The following SUCLG2 variants were observed in gnomAD, a reference collection of about 807,000 sequenced individuals.
The protein encoded by SUCLG2 is succinate-CoA ligase GDP-forming subunit beta, also known as succinate--CoA ligase [GDP-forming] subunit beta, mitochondrial.
In SUCLG2, 42 loss-of-function variants were observed where a neutral mutation model predicts 47.9. The observed-to-expected ratio is 0.88, with a 90% confidence interval of 0.69 to 1.14. The LOEUF is 1.14. Ranked by LOEUF, SUCLG2 falls within the 50% of genes most tolerant of loss-of-function variation. The pLI is 0.00. For synonymous variants in SUCLG2, 195 were observed against 197.3 expected (o/e 0.99, Z 0.10); for missense variants, 571 against 525.9 (o/e 1.09, Z -0.84).
intron 1 of SUCLG2, among the ~76,000 whole-genome samples, chr3:67,646,318 C>G (rs548546351): frequency 1.3e-5 from 2 of 152,068 alleles, no homozygotes; most frequent in Admixed American, 6.5e-5. Context: ...AAAGTTTGGC[C>G]GGGCACGGTG....
chr3:67,393,808 C>T (rs1359273942), intron 10 of SUCLG2, among the ~76,000 whole-genome samples: 13 of 152,122 alleles, frequency 8.5e-5, no homozygotes, highest in East Asian at 3.9e-4. Context: ...TGGCCGGGTA[C>T]TCCTCTGAGA....
intron 2 of SUCLG2, among the ~76,000 whole-genome samples, chr3:67,541,408 C>T (rs114506918): frequency 0.06 from 9,153 of 151,984 alleles, 378 homozygotes; most frequent in Middle Eastern, 0.14. Context: ...ATAGCTAGAT[C>T]GATCAAGTGG....
intron 9 of SUCLG2, among the ~76,000 whole-genome samples, chr3:67,492,838 AC>A: frequency 6.6e-6 from 1 of 152,218 alleles, no homozygotes; most frequent in Non-Finnish European, 1.5e-5. Flanking sequence ...ATTTGGGTTA[AC>A]AGTCAAGCAA....
At chr3:67,633,300 A>C (rs1459235705) in intron 1 of SUCLG2, among the ~76,000 whole-genome samples, 1 of 152,230 alleles carries the variant, frequency 6.6e-6, no homozygotes, top group Non-Finnish European at 1.5e-5. Flanking sequence ...AAATGTATCC[A>C]TTAAATATTT....
chr3:67,569,013 T>C (rs1431128538), intron 2 of SUCLG2, among the ~76,000 whole-genome samples: 2 of 152,140 alleles, frequency 1.3e-5, no homozygotes, highest in African/African-American at 4.8e-5. Flanking sequence ...GTTGAAACTG[T>C]ATTAGAAACA....
In SUCLG2 at chr3:67,529,146, T is replaced by C; in HGVS notation, c.267A>G (p.Gly89=). Residue 89 remains glycine (G), a synonymous_variant, in exon 3 of 11, where the codon GGA becomes GGG. Transcript: ENST00000307227. ...EIVLKAQILA[G]GRGKGVFNSG... is the part of the protein sequence containing the mutation. Reference sequence around the variant, plus strand: ...TATTGAAGACACCTTTTCCTCTTCCTCCAGCTAAGATCTGGGCTTTTAAAA... The same window carrying C: ...TATTGAAGACACCTTTTCCTCTTCCCCCAGCTAAGATCTGGGCTTTTAAAA... 1 of 1,613,626 alleles carries C rather than the reference T, an allele frequency of 6.2e-7. No individual in the cohort carries two copies. Among genetic ancestry groups the C allele is most frequent in the Non-Finnish European group, 8.5e-7 (1 of 1,179,800 alleles).
intron 1 of SUCLG2, 117 bp downstream of exon 1, chr3:67,654,386 G>A: frequency 1.2e-6 from 1 of 827,758 alleles, no homozygotes; most frequent in Non-Finnish European, 1.6e-6. Context: ...TCCCGAAGTG[G>A]GGCGCCCGAG....
At chr3:67,460,360 T>C (rs565495817) in intron 9 of SUCLG2, among the ~76,000 whole-genome samples, 1 of 152,360 alleles carries the variant, frequency 6.6e-6, no homozygotes, top group South Asian at 2.1e-4. Flanking sequence ...TTAACAGCAG[T>C]ATCTGTCATT....
chr3:67,400,956 T>C (rs1702670933), intron 9 of SUCLG2, 105 bp from the exon 10 acceptor site: 2 of 1,505,484 alleles, frequency 1.3e-6, no homozygotes, highest in African/African-American at 2.8e-5. Flanking sequence ...TGCTCGTTTT[T>C]TTGTTTTTGT....
At chr3:67,646,768 G>A (rs747320786) in intron 1 of SUCLG2, among the ~76,000 whole-genome samples, 3 of 152,104 alleles carry the variant, frequency 2.0e-5, no homozygotes, top group Non-Finnish European at 4.4e-5. Context: ...CACGGTGTAC[G>A]TCTAGTATCC....
intron 10 of SUCLG2, among the ~76,000 whole-genome samples, chr3:67,392,535 G>A (rs1240830182): frequency 6.6e-6 from 1 of 152,124 alleles, no homozygotes; most frequent in East Asian, 1.9e-4. Context: ...GGCCCTTTGG[G>A]TTTTCATTTT....
At chr3:67,577,510 G>C (rs1226607888) in intron 2 of SUCLG2, among the ~76,000 whole-genome samples, 1 of 152,126 alleles carries the variant, frequency 6.6e-6, no homozygotes. Context: ...CAGGAGGAGA[G>C]CTGATGTAAA....
intron 2 of SUCLG2, among the ~76,000 whole-genome samples, chr3:67,539,505 T>C (rs1342501695): frequency 6.6e-6 from 1 of 152,218 alleles, no homozygotes; most frequent in Non-Finnish European, 1.5e-5. Flanking sequence ...ATCAGGGATG[T>C]TGGCCTGAAA....
At chr3:67,477,842 T>G (rs1704807361) in intron 9 of SUCLG2, among the ~76,000 whole-genome samples, 1 of 152,184 alleles carries the variant, frequency 6.6e-6, no homozygotes, top group African/African-American at 2.4e-5. Context: ...AATGAATACT[T>G]ATTTTGTGGA....
chr3:67,491,672 G>C (rs1705210085), intron 9 of SUCLG2, among the ~76,000 whole-genome samples: 1 of 152,066 alleles, frequency 6.6e-6, no homozygotes, highest in Non-Finnish European at 1.5e-5. Context: ...TCTATTTCTT[G>C]ATCTGGCTGG....
chr3:67,536,922 G>A (rs1338843324), intron 2 of SUCLG2, among the ~76,000 whole-genome samples: 1 of 152,056 alleles, frequency 6.6e-6, no homozygotes, highest in Non-Finnish European at 1.5e-5. Context: ...TTATAATAGT[G>A]AAAAAACTAG....
chr3:67,602,466 G>A (rs1165547415), intron 2 of SUCLG2, among the ~76,000 whole-genome samples: 1 of 152,020 alleles, frequency 6.6e-6, no homozygotes, highest in Admixed American at 6.6e-5. Context: ...GGTATTCAGT[G>A]AATACCACAA....
At chr3:67,374,473 G>A (rs1701995628), downstream of SUCLG2, among the ~76,000 whole-genome samples, 1 of 152,152 alleles carries the variant, frequency 6.6e-6, no homozygotes, top group Non-Finnish European at 1.5e-5. Context: ...TGACATCACA[G>A]TTCAACCTGT....
intron 2 of SUCLG2, among the ~76,000 whole-genome samples, chr3:67,584,586 C>T (rs1022115587): frequency 6.6e-6 from 1 of 152,064 alleles, no homozygotes; most frequent in African/African-American, 2.4e-5. Context: ...CTTTGTGTTG[C>T]CAAAGAGTAT....
Sources: allele counts gnomAD v4.1 joint callset (sites outside exome capture counted in the v4.1 genomes callset), GRCh38; gene constraint gnomAD v4.1.1; transcripts MANE v1.5; gene names NCBI Gene and HGNC (gene_info 2026-07-23, HGNC 2026-07-21).